The following RBFOX1 variants were observed in gnomAD, a reference collection of about 807,000 sequenced individuals.
RBFOX1 encodes the protein RNA binding fox-1 homolog 1.
A neutral mutation model predicts 57.7 loss-of-function variants in RBFOX1; 8 were observed. The observed-to-expected ratio is 0.14, with a 90% CI of 0.08 to 0.25. The LOEUF (loss-of-function observed/expected upper bound fraction) is 0.25. Ranked by LOEUF, RBFOX1 falls within the 10% of genes least tolerant of loss-of-function variation. The pLI, the probability that RBFOX1 is intolerant of heterozygous loss-of-function variation, is 1.00. For missense variants in RBFOX1, 611 were observed against 548.5 expected (o/e 1.11, Z -1.14); for synonymous variants, 326 against 222.4 (o/e 1.47, Z -4.15).
rs34760329 is a variant in RBFOX1, at chr16:7,509,390, CTGTGTGTGTGTGTGTGTGTG to C, written c.28-8735_28-8716del. Among the ~76,000 whole-genome samples, 3 of 145,166 alleles carry C rather than the reference CTGTGTGTGTGTGTGTGTGTG, an allele frequency of 2.1e-5. No homozygotes were observed. The East Asian group carries it at 6.2e-4, about 30-fold the overall frequency. On this transcript the variant is annotated intron_variant, in intron 4 of 15. Coordinates refer to ENST00000550418, the MANE Select transcript of RBFOX1 (RefSeq NM_018723.4). ...CATAATGTGTACTAGGAGCCAAGCC[CTGTGTGTGTGTGTGTGTGTG>C]TGTGTGTGTGTGTGTGTGTGTCTGT...
chr16:5,907,056 C>G (rs1247936727), intron 4 of RBFOX1, among the ~76,000 whole-genome samples: 1 of 152,044 alleles, frequency 6.6e-6, no homozygotes, highest in Non-Finnish European at 1.5e-5. Context: ...GATTTTAAAA[C>G]AGAAGCATGA....
chr16:6,670,253 G>C (rs1280860722), intron 3 of RBFOX1, among the ~76,000 whole-genome samples: 7 of 151,924 alleles, frequency 4.6e-5, no homozygotes, highest in Non-Finnish European at 1.0e-4. Context: ...AATTTTTGTA[G>C]AGACGGGGTT....
chr16:7,710,078 G>A (rs925275099), intron 15 of RBFOX1: 98 of 999,902 alleles, frequency 9.8e-5, no homozygotes, highest in Non-Finnish European at 1.1e-4. Context: ...CCATGATTTG[G>A]AAGCATTGTT....
At chr16:5,276,290 A>T (rs560368927) in intron 1 of RBFOX1, among the ~76,000 whole-genome samples, 1 of 152,216 alleles carries the variant, frequency 6.6e-6, no homozygotes, top group Non-Finnish European at 1.5e-5. Flanking sequence ...GCATCTGACA[A>T]AGGACTAATG....
chr16:6,417,828 CGTTA>C (rs1248411653), intron 2 of RBFOX1, among the ~76,000 whole-genome samples: 7 of 151,444 alleles, frequency 4.6e-5, no homozygotes, highest in Non-Finnish European at 8.8e-5. Context: ...TCCTAGTATC[CGTTA>C]GTTATTTTTC....
At chr16:6,839,424 A>G (rs1025560531) in intron 3 of RBFOX1, among the ~76,000 whole-genome samples, 6 of 152,230 alleles carry the variant, frequency 3.9e-5, no homozygotes, top group African/African-American at 1.2e-4. Flanking sequence ...GACAGACTCA[A>G]TAAACACCCT....
chr16:6,867,746 G>T (rs555387611), intron 3 of RBFOX1, among the ~76,000 whole-genome samples: 1 of 152,134 alleles, frequency 6.6e-6, no homozygotes. Flanking sequence ...ATATTTATCA[G>T]TTAATGTGTG....
intron 4 of RBFOX1, among the ~76,000 whole-genome samples, chr16:7,149,109 C>A (rs886894188): frequency 2.0e-5 from 3 of 152,266 alleles, no homozygotes; most frequent in South Asian, 2.1e-4. Flanking sequence ...TCTTTGAAAA[C>A]CCAGGTTTCC....
chr16:7,569,681 A>C (rs1184281191), intron 5 of RBFOX1, among the ~76,000 whole-genome samples: 2 of 152,318 alleles, frequency 1.3e-5, no homozygotes, highest in African/African-American at 2.4e-5. Flanking sequence ...GAAAGCCACC[A>C]ACCACAGGTG....
chr16:6,709,758 C>G (rs995070010), intron 3 of RBFOX1, among the ~76,000 whole-genome samples: 3 of 152,184 alleles, frequency 2.0e-5, no homozygotes, highest in Admixed American at 1.3e-4. Flanking sequence ...GTTTGATTCC[C>G]TCTAAACTCG....
intron 1 of RBFOX1, among the ~76,000 whole-genome samples, chr16:5,387,412 C>G (rs935205950): frequency 2.0e-5 from 3 of 152,200 alleles, no homozygotes; most frequent in Non-Finnish European, 2.9e-5. Context: ...CATCACAGAC[C>G]TAGGCACCTT....
chr16:6,547,461 T>A, intron 2 of RBFOX1, among the ~76,000 whole-genome samples: 1 of 152,330 alleles, frequency 6.6e-6, no homozygotes. Flanking sequence ...CCATAGTAAC[T>A]AGATAAAGTA....
intron 3 of RBFOX1, among the ~76,000 whole-genome samples, chr16:6,693,802 C>CCAT (rs145774585): frequency 0.037 from 5,620 of 151,134 alleles, 331 homozygotes; most frequent in African/African-American, 0.13. Flanking sequence ...ATCACCACCA[C>CCAT]CATCATCATC....
chr16:6,685,132 G>A (rs202183113), intron 3 of RBFOX1, among the ~76,000 whole-genome samples: 7 of 152,032 alleles, frequency 4.6e-5, no homozygotes, highest in South Asian at 4.1e-4. Context: ...AAATAAATAC[G>A]AGCTGTCACC....
At chr16:6,486,659 A>AT (rs71145235) in intron 2 of RBFOX1, among the ~76,000 whole-genome samples, 25,121 of 148,764 alleles carry the variant, frequency 0.17, 2,123 homozygotes, top group Middle Eastern at 0.21. Flanking sequence ...TAATTTTATT[A>AT]TTTTTTTTTT....
At position 6,325,054 on chromosome 16, in the gene RBFOX1, T is replaced by C. The variant is rs544527370; in HGVS notation, c.-64+7997T>C. Among the ~76,000 whole-genome samples, 3 of 152,242 alleles carry C rather than the reference T, an allele frequency of 2.0e-5. No homozygotes were observed. In the East Asian group the frequency reaches 5.8e-4, roughly 29 times the overall value. ...TTTGATCTACATTCATGGGTTGTAG[T>C]AACGAATTACAGGAAAGGTACCCAG... On this transcript the variant is annotated intron_variant, in intron 2 of 15. Transcript: ENST00000550418.
chr16:7,622,898 CTG>C (rs1423659018), intron 10 of RBFOX1, among the ~76,000 whole-genome samples: 4 of 152,326 alleles, frequency 2.6e-5, no homozygotes, highest in African/African-American at 4.8e-5. Flanking sequence ...TAGGGATTAA[CTG>C]TGAAAATATT....
chr16:6,858,618 G>A (rs2058338696), intron 3 of RBFOX1, among the ~76,000 whole-genome samples: 2 of 152,114 alleles, frequency 1.3e-5, no homozygotes, highest in African/African-American at 4.8e-5. Context: ...GTGAGACTCA[G>A]ACGATTTCAT....
intron 2 of RBFOX1, among the ~76,000 whole-genome samples, chr16:6,581,667 C>A (rs923286525): frequency 6.6e-6 from 1 of 152,186 alleles, no homozygotes; most frequent in Non-Finnish European, 1.5e-5. Context: ...GATCCCCAAG[C>A]TGCTAAGGGG....
Sources: allele counts gnomAD v4.1 joint callset (sites outside exome capture counted in the v4.1 genomes callset), GRCh38; gene constraint gnomAD v4.1.1; transcripts MANE v1.5; gene names NCBI Gene and HGNC (gene_info 2026-07-23, HGNC 2026-07-21).